The following EXOC6B variants were observed in gnomAD, a reference collection of about 807,000 sequenced individuals.
EXOC6B encodes the protein exocyst complex component 6B.
In EXOC6B, 54 loss-of-function variants were observed where a neutral mutation model predicts 113.5. The ratio of observed to expected loss-of-function variants is 0.48; its 90% CI spans 0.38 to 0.60. EXOC6B has a LOEUF of 0.60. Ranked by LOEUF, EXOC6B falls within the 20% of genes least tolerant of loss-of-function variation. EXOC6B has a pLI of 0.00. For missense variants in EXOC6B, 797 were observed against 977.5 expected, an observed-to-expected ratio of 0.82 and a Z score of 2.46; for synonymous variants, 357 against 339.0, an observed-to-expected ratio of 1.05 and a Z score of -0.58.
chr2:72,750,251 G>C (rs1279203231), intron 1 of EXOC6B, among the ~76,000 whole-genome samples: 1 of 152,032 alleles, frequency 6.6e-6, no homozygotes, highest in Non-Finnish European at 1.5e-5. Context: ...AAAGAGGATG[G>C]ATGGAAAGGC....
intron 7 of EXOC6B, among the ~76,000 whole-genome samples, chr2:72,564,934 A>C (rs1366209048): frequency 1.3e-5 from 2 of 152,162 alleles, no homozygotes; most frequent in Admixed American, 6.5e-5. Flanking sequence ...CTTATTAATT[A>C]CTCAAGTGTT....
At chr2:72,197,755 G>A (rs141214803) in intron 20 of EXOC6B, among the ~76,000 whole-genome samples, 1 of 152,200 alleles carries the variant, frequency 6.6e-6, no homozygotes, top group East Asian at 1.9e-4. Flanking sequence ...CACAAGGCAG[G>A]TTTTTCAAAA....
intron 5 of EXOC6B, among the ~76,000 whole-genome samples, chr2:72,722,550 T>G (rs1680076068): frequency 6.6e-6 from 1 of 152,180 alleles, no homozygotes; most frequent in South Asian, 2.1e-4. Context: ...GAAAGTTTTA[T>G]TCCCCCTAAA....
chr2:72,205,759 T>C (rs925085959), intron 20 of EXOC6B, among the ~76,000 whole-genome samples: 3 of 152,238 alleles, frequency 2.0e-5, no homozygotes, highest in African/African-American at 7.2e-5. Flanking sequence ...CAAGATCTCT[T>C]GCTGCTTTTA....
chr2:72,776,993 C>A (rs561364806), intron 1 of EXOC6B, among the ~76,000 whole-genome samples: 1 of 152,276 alleles, frequency 6.6e-6, no homozygotes, highest in South Asian at 2.1e-4. Context: ...GTAATGCTAG[C>A]ACTTTGGGAG....
chr2:72,701,080 A>C (rs563146530), intron 6 of EXOC6B, among the ~76,000 whole-genome samples: 96 of 152,262 alleles, frequency 6.3e-4, no homozygotes, highest in South Asian at 2.5e-3. Flanking sequence ...GCGGTGGCTC[A>C]CGCCTGTAAT....
At chr2:72,180,203 C>A (rs1677995288) in intron 21 of EXOC6B, among the ~76,000 whole-genome samples, 1 of 152,170 alleles carries the variant, frequency 6.6e-6, no homozygotes, top group African/African-American at 2.4e-5. Flanking sequence ...GACCTTTGAC[C>A]TTTGGGTCAT....
chr2:72,561,132 C>G (rs1703864974), intron 7 of EXOC6B, among the ~76,000 whole-genome samples: 1 of 151,940 alleles, frequency 6.6e-6, no homozygotes, highest in South Asian at 2.1e-4. Context: ...TGACAGAAAA[C>G]CAGAGTCTAT....
At chr2:72,608,877 A>G (rs924187114) in intron 6 of EXOC6B, among the ~76,000 whole-genome samples, 1 of 152,066 alleles carries the variant, frequency 6.6e-6, no homozygotes, top group Non-Finnish European at 1.5e-5. Flanking sequence ...ATCACTAGGG[A>G]CAGATATCAA....
At chr2:72,236,648 G>A (rs1389724827) in intron 20 of EXOC6B, among the ~76,000 whole-genome samples, 1 of 152,120 alleles carries the variant, frequency 6.6e-6, no homozygotes, top group Non-Finnish European at 1.5e-5. Flanking sequence ...GCAATTCACA[G>A]GCAAAGTGGC....
chr2:72,259,635 A>G (rs1275482460), intron 20 of EXOC6B, among the ~76,000 whole-genome samples: 1 of 152,226 alleles, frequency 6.6e-6, no homozygotes, highest in East Asian at 1.9e-4. Context: ...ACCATTTTAT[A>G]TGCCTACCAA....
At chr2:72,190,937 G>C (rs931363936) in intron 20 of EXOC6B, among the ~76,000 whole-genome samples, 3 of 152,174 alleles carry the variant, frequency 2.0e-5, no homozygotes, top group Admixed American at 1.3e-4. Context: ...AGGAAATTCT[G>C]ATAAATGTTA....
chr2:72,522,679 T>C (rs1194858528), intron 8 of EXOC6B, among the ~76,000 whole-genome samples: 2 of 152,212 alleles, frequency 1.3e-5, no homozygotes, highest in Non-Finnish European at 2.9e-5. Context: ...GACATCTTTC[T>C]AGATCATACT....
At chr2:72,691,647 G>A (rs114710544) in intron 6 of EXOC6B, among the ~76,000 whole-genome samples, 7,045 of 151,242 alleles carry the variant, frequency 0.047, 232 homozygotes, top group Middle Eastern at 0.09. Context: ...AAACTAGCAG[G>A]GCTTCTCTGG....
rs777999359 is a variant in EXOC6B at position 72,178,710 on chromosome 2, G to T, written c.*625C>A. On this transcript the variant is annotated 3_prime_UTR_variant, in exon 22 of 22. Transcript: ENST00000272427. ...TGCCCTAGAAAAAATTGCAATAAAAGCCTGGGGTTAGATCAGGCTAAAGAA... is the reference window on the plus strand; with the variant it reads ...TGCCCTAGAAAAAATTGCAATAAAATCCTGGGGTTAGATCAGGCTAAAGAA... 6.6e-6 allele frequency: 1 copy of T among 152,176 alleles called. No homozygotes were observed. Among genetic ancestry groups the T allele is most frequent in the Non-Finnish European group, 1.5e-5 (1 of 68,040 alleles). 9.4% of individuals were successfully genotyped at this position (152,176 alleles called of 1,614,324 possible).
At chr2:72,790,913 T>C (rs1484397455) in intron 1 of EXOC6B, among the ~76,000 whole-genome samples, 1 of 151,922 alleles carries the variant, frequency 6.6e-6, no homozygotes, top group Non-Finnish European at 1.5e-5. Context: ...AAGTAGAGAG[T>C]AGAACTATGG....
chr2:72,510,864 A>C (rs1000012101), intron 11 of EXOC6B, among the ~76,000 whole-genome samples: 4 of 152,040 alleles, frequency 2.6e-5, no homozygotes, highest in African/African-American at 9.7e-5. Flanking sequence ...TGAGATCCTT[A>C]ATCATACTAT....
chr2:72,575,681 A>G lies in EXOC6B; in HGVS notation c.670-13T>C. On this transcript the variant is annotated splice_polypyrimidine_tract_variant and intron_variant, in intron 6 of 21. Coordinates refer to ENST00000272427, the MANE Select transcript of EXOC6B (RefSeq NM_015189.3). The stretch of plus-strand genomic sequence containing the variant: ...TTTGCTGCTGGGCCTAGGATAGAGA[A>G]GAACACACACAAACACACCAAAAAG... 1 of 1,571,768 alleles carries G rather than the reference A, an allele frequency of 6.4e-7. No individual in the cohort carries two copies. The highest frequency in any genetic ancestry group is 1.2e-5 in the South Asian group (1 of 83,474).
chr2:72,480,665 A>C lies in EXOC6B; in HGVS notation c.1751T>G (p.Leu584Arg), dbSNP rs1263105082. The C allele has an allele frequency of 6.3e-7, 1 of 1,591,012 alleles. No homozygotes were observed. Among genetic ancestry groups the C allele is most frequent in the Admixed American group, 1.8e-5 (1 of 56,706 alleles). The change falls in exon 17 of 22, where the codon CTT becomes CGT. Residue 584 changes from leucine (L) to arginine (R), a missense_variant. By Grantham distance (102) the Leu-to-Arg change is moderately radical. Transcript: ENST00000272427. Reference protein sequence around the residue: ...EEFITNITNVLPETVHTTKLY... With the variant: ...EEFITNITNVRPETVHTTKLY... Reference sequence around the variant, plus strand: ...CTTGGTAGTGTGAACTGTCTCTGGAAGCACATTAGTGATGTTGGTGATAAA... The same window carrying C: ...CTTGGTAGTGTGAACTGTCTCTGGACGCACATTAGTGATGTTGGTGATAAA...
Sources: allele counts gnomAD v4.1 joint callset (sites outside exome capture counted in the v4.1 genomes callset), GRCh38; gene constraint gnomAD v4.1.1; transcripts MANE v1.5; gene names NCBI Gene and HGNC (gene_info 2026-07-23, HGNC 2026-07-21).